Variants in COPA observed in about 807,000 individuals in gnomAD.
COPA encodes the protein coatomer subunit alpha.
In COPA, 10 loss-of-function variants were observed where a neutral mutation model predicts 158.7. That is an observed-to-expected ratio of 0.06 (90% CI 0.04 to 0.11). The LOEUF is 0.11. Among genes scored for constraint, COPA ranks in the 10% least tolerant of loss-of-function variants. The pLI, the probability that COPA is intolerant of heterozygous loss-of-function variation, is 1.00. For synonymous variants in COPA, 462 were observed against 542.8 expected (o/e 0.85, Z 2.07); for missense variants, 1,065 against 1,536.7 (o/e 0.69, Z 5.13).
chr1:160,333,409 G>A (rs1483896137), intron 5 of COPA, 194 bp downstream of exon 5: 8 of 453,584 alleles, frequency 1.8e-5, no homozygotes, highest in Non-Finnish European at 3.1e-5. Flanking sequence ...AGAAATTATT[G>A]GAAGTCCAGA....
Position 160,332,526 on chromosome 1 carries a change from A to C in COPA, c.418T>G (p.Cys140Gly). Residue 140 changes from cysteine (C) to glycine (G), a missense_variant, in exon 6 of 33, where the codon TGT becomes GGT. Cys to Gly is a radical substitution (Grantham distance 159). Around this residue, in one of 2 missense-constraint regions of COPA, gnomAD observed 85 missense variants for 178.9 expected, o/e 0.48. Coordinates refer to ENST00000241704, the MANE Select transcript of COPA (RefSeq NM_004371.4). ...VLTGHNHYVM[C>G]AQFHPTEDLV... Reference sequence around the variant, plus strand: ...TCTTCTGTGGGGTGGAACTGAGCACACATCACATAATGGTTGTGCCCTGTT... The same window carrying C: ...TCTTCTGTGGGGTGGAACTGAGCACCCATCACATAATGGTTGTGCCCTGTT... 6.2e-7 allele frequency: 1 copy of C among 1,613,348 alleles called. No homozygotes were observed. The highest frequency in any genetic ancestry group is 8.5e-7 in the Non-Finnish European group (1 of 1,179,840).
chr1:160,305,637 G>C (rs376351310), intron 16 of COPA, 51 bp downstream of exon 16: 6 of 1,613,890 alleles, frequency 3.7e-6, no homozygotes, highest in East Asian at 4.5e-5. Flanking sequence ...GGCAGGGATC[G>C]GGGTGGAAGG....
intron 10 of COPA, among the ~76,000 whole-genome samples, chr1:160,312,712 C>T (rs562490447): frequency 5.3e-5 from 8 of 152,324 alleles, no homozygotes; most frequent in South Asian, 2.1e-4. Context: ...CAACTGGCCT[C>T]TTTGGTGTTC....
intron 28 of COPA, 94 bp downstream of exon 28, chr1:160,292,390 G>T (rs1318215444): frequency 6.3e-7 from 1 of 1,598,146 alleles, no homozygotes; most frequent in African/African-American, 1.4e-5. Context: ...GGAAACCCTA[G>T]CTCTGAGAGA....
intron 25 of COPA, among the ~76,000 whole-genome samples, chr1:160,294,123 AGGCCACTAACTTT>A (rs1053943623): frequency 2.6e-5 from 4 of 152,250 alleles, no homozygotes; most frequent in Admixed American, 1.3e-4. Flanking sequence ...GGAAGTGACA[AGGCCACTAACTTT>A]GACTCTCTCG....
At chr1:160,318,618 C>T (rs1659237087) in intron 8 of COPA, among the ~76,000 whole-genome samples, 1 of 151,540 alleles carries the variant, frequency 6.6e-6, no homozygotes, top group South Asian at 2.1e-4. Flanking sequence ...ACACAATCCA[C>T]TTATAACTTT....
At chr1:160,334,584 A>G (rs1647674051) in intron 4 of COPA, among the ~76,000 whole-genome samples, 1 of 152,220 alleles carries the variant, frequency 6.6e-6, no homozygotes, top group African/African-American at 2.4e-5. Context: ...TAAATTGTTT[A>G]TTTCATCATA....
At chr1:160,312,984 G>C in intron 10 of COPA, 101 bp downstream of exon 10, 2 of 1,045,356 alleles carry the variant, frequency 1.9e-6, no homozygotes, top group Non-Finnish European at 2.8e-6. Context: ...TCTTCTTCTT[G>C]TCATCCTACT....
chr1:160,317,815 T>C (rs1281181427), intron 8 of COPA: 21 of 743,296 alleles, frequency 2.8e-5, no homozygotes, highest in Non-Finnish European at 2.4e-5. Flanking sequence ...CCCCATCTCT[T>C]TGAAACATCT....
chr1:160,309,750 T>A (rs1658901972), intron 12 of COPA, among the ~76,000 whole-genome samples: 1 of 151,652 alleles, frequency 6.6e-6, no homozygotes, highest in African/African-American at 2.4e-5. Flanking sequence ...TTCTTTTTTT[T>A]TTTTTTTTGC....
intron 14 of COPA, 50 bp from the exon 15 acceptor site, chr1:160,306,543 A>G: frequency 6.2e-7 from 1 of 1,605,382 alleles, no homozygotes; most frequent in Non-Finnish European, 8.5e-7. Context: ...TGTATAGATG[A>G]TGATGACAAC....
chr1:160,313,842 A>C (rs1008282158), intron 9 of COPA, 148 bp downstream of exon 9: 7 of 631,146 alleles, frequency 1.1e-5, no homozygotes, highest in Non-Finnish European at 1.7e-5. Flanking sequence ...GTAAATGTTG[A>C]CTGATCTCTA....
intron 11 of COPA, 71 bp from the exon 12 acceptor site, chr1:160,310,329 C>T (rs1658923149): frequency 7.1e-6 from 6 of 840,628 alleles, no homozygotes; most frequent in Non-Finnish European, 1.1e-5. Context: ...AGGAATCACC[C>T]CCACACCTCC....
rs548649692 is a variant in COPA, at chr1:160,325,708, G to A, written c.497-56C>T. 5.6e-4 allele frequency: 693 copies of A among 1,238,382 alleles called. 2 individuals carry two copies. The highest frequency in any genetic ancestry group is 7.5e-4 in the Non-Finnish European group (630 of 843,888). 76.7% of individuals were successfully genotyped at this position (1,238,382 alleles called of 1,614,324 possible). ...TGTAAACATAATATTATCTAAAACA[G>A]CACAGTATCAGAAACACAGAAATTA... On this transcript the variant is annotated intron_variant, in intron 6 of 32. Coordinates refer to ENST00000241704, the MANE Select transcript of COPA (RefSeq NM_004371.4).
chr1:160,290,785 C>T (rs1046036300), intron 31 of COPA, 99 bp from the exon 32 acceptor site: 2 of 1,119,610 alleles, frequency 1.8e-6, no homozygotes, highest in Admixed American at 1.8e-5. Context: ...ATGTGAGACA[C>T]AACTGTACTG....
Position 160,290,224 on chromosome 1 carries a change from AAAAC to A in COPA, c.3616-12_3616-9del, listed in dbSNP as rs746304508. The A allele has an allele frequency of 5.5e-5, 88 of 1,614,136 alleles. No homozygotes were observed. Among genetic ancestry groups the A allele is most frequent in the South Asian group, 3.8e-4 (35 of 91,086 alleles). On this transcript the variant is annotated splice_polypyrimidine_tract_variant and intron_variant, in intron 32 of 32. Transcript: ENST00000241704. ...TTTGCCAATCTCTGTCACCTGTGGA[AAAAC>A]AAACAAAGGAACAAGTTAGAGATTT...
Position 160,299,170 on chromosome 1 carries a change from G to A in COPA, c.1762C>T (p.Arg588Trp), listed in dbSNP as rs1214923127. Residue 588 changes from arginine to tryptophan, a missense_variant, in exon 18 of 33, where the codon CGG becomes TGG. Around this residue, in one of 2 missense-constraint regions of COPA, gnomAD observed 980 missense variants for 1,357.8 expected, o/e 0.72. Coordinates refer to ENST00000241704, the MANE Select transcript of COPA (RefSeq NM_004371.4). ...VYCLDRECRP[R>W]VLTIDPTEFK... ...TCAGTGGGATCAATGGTGAGTACCC[G>A]GGGACGACACTCCCTGTCTAGGCAG... The A allele has an allele frequency of 6.2e-7, 1 of 1,613,968 alleles. No individual in the cohort carries two copies. Among genetic ancestry groups the A allele is most frequent in the Admixed American group, 1.7e-5 (1 of 59,988 alleles).
In COPA at chr1:160,325,370, G is replaced by A. The variant is rs375387986; in HGVS notation, c.606+173C>T. ...AGACTCTCCCTCAGGTGGCACATAA[G>A]CTTCATTTCTCTGTTGGTTCACGCA... On this transcript the variant is annotated intron_variant, in intron 7 of 32. Transcript: ENST00000241704. 1.2e-4 allele frequency among the ~76,000 whole-genome samples: 18 copies of A among 152,250 alleles called. No individual in the cohort carries two copies. In the East Asian group the frequency reaches 3.1e-3, roughly 26 times the overall value.
intron 17 of COPA, among the ~76,000 whole-genome samples, chr1:160,300,295 G>A (rs1658555094): frequency 6.6e-6 from 1 of 151,514 alleles, no homozygotes; most frequent in African/African-American, 2.4e-5. Flanking sequence ...AGCCGAGGTC[G>A]TACCATTGCA....
Sources: allele counts gnomAD v4.1 joint callset (sites outside exome capture counted in the v4.1 genomes callset), GRCh38; gene constraint gnomAD v4.1.1; regional missense constraint gnomAD v4.1.1; transcripts MANE v1.5; gene names NCBI Gene and HGNC (gene_info 2026-07-23, HGNC 2026-07-21).